TTN: variants seen among roughly 807,000 people sequenced by gnomAD.
TTN encodes connectin.
In TTN, 1,525 loss-of-function variants were observed where a neutral mutation model predicts 3,223.0. The observed-to-expected ratio is 0.47, with a 90% CI of 0.45 to 0.49. The LOEUF is 0.49. Ranked by LOEUF, TTN falls within the 20% of genes least tolerant of loss-of-function variation. The probability of loss-of-function intolerance (pLI) is 0.00; values close to 1 mark genes in which losing one functional copy is unlikely to be tolerated. For synonymous variants in TTN, 14,094 were observed against 15,161.0 expected (o/e 0.93, Z 5.17); for missense variants, 40,786 against 43,424.0 (o/e 0.94, Z 5.40).
chr2:178,709,924 GA>G lies in TTN; in HGVS notation c.28463-69del, dbSNP rs545172214. ...AGATTACTAATATGAAGCTTTTCAA[GA>G]AAAAAAACCCTCATATTTTTAGTTA... is the stretch of plus-strand genomic sequence containing the variant. On this transcript the variant is annotated intron_variant, in intron 98 of 362. Coordinates refer to ENST00000589042, the MANE Select transcript of TTN (RefSeq NM_001267550.2). 186 of 1,462,828 alleles carry G rather than the reference GA, an allele frequency of 1.3e-4. No individual in the cohort carries two copies. The South Asian group carries it at 2.0e-3, about 15-fold the overall frequency. The allele number at this position is 1,462,828 out of a possible 1,614,324, so 90.6% of individuals were successfully genotyped here.
At position 178,696,236 on chromosome 2, in the gene TTN, T is replaced by G; in HGVS notation, c.30836A>C (p.Glu10279Ala). The change falls in exon 114 of 363, where the codon GAA becomes GCA. Residue 10279 changes from glutamate to alanine, a missense_variant. Physicochemically the swap from Glu to Ala is moderately radical, Grantham distance 107. Transcript: ENST00000589042. Reference protein sequence around the residue: ...PEIIDVSSKAEEVKIMTITRK... With the variant: ...PEIIDVSSKAAEVKIMTITRK... ...GGTTATAGTCATTATTTTTACTTCTTCAGCTTTAGAGGATACATCAATGAT... is the reference window on the plus strand; with the variant it reads ...GGTTATAGTCATTATTTTTACTTCTGCAGCTTTAGAGGATACATCAATGAT... The G allele has an allele frequency of 1.3e-6, 2 of 1,561,516 alleles. No homozygotes were observed. The highest frequency in any genetic ancestry group is 1.2e-5 in the South Asian group (1 of 83,802).
chr2:178,653,010 T>G (rs1160042323), intron 199 of TTN, 31 bp downstream of exon 199: 3 of 1,610,248 alleles, frequency 1.9e-6, no homozygotes. Context: ...AAGAGTTCAG[T>G]CTTCTGAAGC....
rs754261585 is a variant in TTN at position 178,575,910 on chromosome 2, A to G, written c.70222T>C (p.Tyr23408His). ...TLLIIPECNRYDTGKFVMTIE... is the reference protein window; with the variant it reads ...TLLIIPECNRHDTGKFVMTIE... ...GTCATGACAAATTTACCGGTATCAT[A>G]TCTGTTACATTCTGGGATAATCAGA... The change falls in exon 326 of 363, where the codon TAT (tyrosine) becomes CAT (histidine). Residue 23408 changes from tyrosine (Y) to histidine (H), a missense_variant. Coordinates refer to ENST00000589042, the MANE Select transcript of TTN (RefSeq NM_001267550.2). The surrounding 1 kb of genome is among the most constrained non-coding windows in gnomAD (Gnocchi z 4.0). The G allele has an allele frequency of 1.9e-6, 3 of 1,613,578 alleles. No homozygotes were observed. Among genetic ancestry groups the G allele is most frequent in the Non-Finnish European group, 1.7e-6 (2 of 1,179,620 alleles).
Position 178,770,127 on chromosome 2 carries a change from G to A in TTN, c.8574C>T (p.Pro2858=), listed in dbSNP as rs1249785338. The A allele has an allele frequency of 1.2e-6, 2 of 1,614,132 alleles. No individual in the cohort carries two copies. Among genetic ancestry groups the A allele is most frequent in the African/African-American group, 1.3e-5 (1 of 75,044 alleles). ...VHKLMLQNIS[P]SDAGEYTAVV... ...CAGCTGTGTATTCCCCAGCATCTGA[G>A]GGGGAGATGTTCTGCAGCATCAGCT... Residue 2858 remains proline, a synonymous_variant, in exon 36 of 363, where the codon CCC becomes CCT. Coordinates refer to ENST00000589042, the MANE Select transcript of TTN (RefSeq NM_001267550.2).
rs2154152253 is a variant in TTN, at chr2:178,553,758, T to C, written c.89247A>G (p.Ser29749=). Residue 29749 remains serine, a synonymous_variant, in exon 334 of 363, where the codon TCA becomes TCG. Coordinates refer to ENST00000589042, the MANE Select transcript of TTN (RefSeq NM_001267550.2). ...AKIRIADSTK[S]SITLGWSKPV... is the part of the protein sequence containing the mutation. ...GCTTACTCCAGCCAAGGGTGATGGA[T>C]GACTTGGTTGAATCTGCGATTCTTA... 1 of 1,609,392 alleles carries C rather than the reference T, an allele frequency of 6.2e-7. No individual in the cohort carries two copies. Among genetic ancestry groups the C allele is most frequent in the Non-Finnish European group, 8.5e-7 (1 of 1,176,978 alleles).
In TTN at chr2:178,756,344, T is replaced by C; in HGVS notation, c.11132A>G (p.Asn3711Ser). Residue 3711 changes from asparagine (N) to serine (S), a missense_variant, in exon 46 of 363, where the codon AAT (asparagine) becomes AGT (serine). By Grantham distance (46) the Asn-to-Ser change is conservative. Coordinates refer to ENST00000589042, the MANE Select transcript of TTN (RefSeq NM_001267550.2). ...EESERLKQSQ[N>S]GNIQFLTICN... ...TATGGTAAGAAACTGAATATTTCCATTTTGTGATTGTTTCAGTCTCTCGGA... is the reference window on the plus strand; with the variant it reads ...TATGGTAAGAAACTGAATATTTCCACTTTGTGATTGTTTCAGTCTCTCGGA... 6.2e-7 allele frequency: 1 copy of C among 1,613,898 alleles called. No homozygotes were observed.
At chr2:178,714,895 T>C in intron 90 of TTN, 91 bp downstream of exon 90, 2 of 1,473,650 alleles carry the variant, frequency 1.4e-6, no homozygotes, top group Non-Finnish European at 1.8e-6. Flanking sequence ...AATAGGCTGC[T>C]AGTGATAAGA....
Position 178,592,195 on chromosome 2 carries a change from A to T in TTN, c.59709T>A (p.Asp19903Glu), listed in dbSNP as rs2154185463. 1 of 1,612,260 alleles carries T rather than the reference A, an allele frequency of 6.2e-7. No individual in the cohort carries two copies. Among genetic ancestry groups the T allele is most frequent in the Admixed American group, 1.7e-5 (1 of 59,876 alleles). Residue 19903 changes from aspartate to glutamate, a missense_variant, in exon 302 of 363, where the codon GAT becomes GAA. Transcript: ENST00000589042. ...SCYLTWKEPLDDGGSVITNYV... is the reference protein window; with the variant it reads ...SCYLTWKEPLEDGGSVITNYV... The stretch of plus-strand genomic sequence containing the variant: ...AATTGGTAATAACAGAACCACCATC[A>T]TCCAGTGGTTCTTTCCAAGTAAGGT...
At position 178,597,553 on chromosome 2, in the gene TTN, T is replaced by C. The variant is rs1338580543; in HGVS notation, c.57529A>G (p.Ile19177Val). The change falls in exon 294 of 363, where the codon ATT becomes GTT. Residue 19177 changes from isoleucine to valine, a missense_variant. By Grantham distance (29) the Ile-to-Val change is conservative (BLOSUM62 3). Transcript: ENST00000589042. ...AAGTATTTACCTAATACATCAACAA[T>C]AATTGTCTTCTTTCTTTCTCCGGCT... ...NEAGERKKTI[I>V]VDVLDVPGPV... The C allele has an allele frequency of 6.2e-7, 1 of 1,611,802 alleles. No homozygotes were observed. The highest frequency in any genetic ancestry group is 1.7e-5 in the Admixed American group (1 of 59,728).
chr2:178,549,326 A>G lies in TTN; in HGVS notation c.92300T>C (p.Val30767Ala), dbSNP rs1698403843. The G allele has an allele frequency of 1.9e-6, 3 of 1,613,664 alleles. No homozygotes were observed. Among genetic ancestry groups the G allele is most frequent in the Non-Finnish European group, 2.5e-6 (3 of 1,179,784 alleles). ...ERREKKSTRWVKVISKRPISE... is the reference protein window; with the variant it reads ...ERREKKSTRWAKVISKRPISE... ...GATTGGTCGTTTGCTGATCACTTTTACCCATCTTGTGCTTTTCTTTTCTCT... is the reference window on the plus strand; with the variant it reads ...GATTGGTCGTTTGCTGATCACTTTTGCCCATCTTGTGCTTTTCTTTTCTCT... Residue 30767 changes from valine to alanine, a missense_variant, in exon 339 of 363, where the codon GTA becomes GCA. Val to Ala is a moderately conservative substitution (Grantham distance 64). Transcript: ENST00000589042.
At position 178,593,767 on chromosome 2, in the gene TTN, T is replaced by C. The variant is rs563248253; in HGVS notation, c.58533A>G (p.Lys19511=). The change falls in exon 298 of 363, where the codon AAA becomes AAG. Residue 19511 remains lysine, a synonymous_variant. Transcript: ENST00000589042. ...TCTTCTCAATAATATAATTGGTGAT[T>C]TTACTGCCTCCATCATCTAAAGGAG... The part of the protein sequence containing the change: ...WKPPLDDGGS[K]ITNYIIEKKE... The C allele has an allele frequency of 1.9e-6, 3 of 1,613,242 alleles. No homozygotes were observed. In the East Asian group the frequency reaches 6.7e-5, roughly 36 times the overall value.
rs1165201342 is a variant in TTN, at chr2:178,735,543, C to T, written c.14903G>A (p.Ser4968Asn). The T allele has an allele frequency of 6.2e-7, 1 of 1,600,120 alleles. No individual in the cohort carries two copies. Among genetic ancestry groups the T allele is most frequent in the Non-Finnish European group, 8.5e-7 (1 of 1,174,506 alleles). ...AGTGACTGTGGCTGAGCAGGAGCTG[C>T]TTCCAGCCTCATTTGAAGCTGTACA... ...YVCTASNEAGSSSCSATVTVR... is the reference protein window; with the variant it reads ...YVCTASNEAGNSSCSATVTVR... The change falls in exon 50 of 363, where the codon AGC becomes AAC. Residue 4968 changes from serine to asparagine, a missense_variant. Physicochemically the swap from Ser to Asn is conservative, Grantham distance 46 (BLOSUM62 1). Transcript: ENST00000589042.
chr2:178,604,263 T>A lies in TTN; in HGVS notation c.54424A>T (p.Arg18142Trp). Reference sequence around the variant, plus strand: ...CTGATTCCATATTTATTCACTGCCCTGACTCGGAACTCATACTGACCATTG... The same window carrying A: ...CTGATTCCATATTTATTCACTGCCCAGACTCGGAACTCATACTGACCATTG... ...IPNGQYEFRV[R>W]AVNKYGISDE... The change falls in exon 282 of 363, where the codon AGG becomes TGG. Residue 18142 changes from arginine to tryptophan, a missense_variant. By Grantham distance (101) the Arg-to-Trp change is moderately radical (BLOSUM62 -3). Coordinates refer to ENST00000589042, the MANE Select transcript of TTN (RefSeq NM_001267550.2). The A allele has an allele frequency of 6.4e-7, 1 of 1,563,768 alleles. No individual in the cohort carries two copies.
At chr2:178,617,096 T>A in intron 255 of TTN, 24 bp downstream of exon 255, 2 of 1,610,524 alleles carry the variant, frequency 1.2e-6, no homozygotes, top group Non-Finnish European at 1.7e-6. Flanking sequence ...TATTCCCCGA[T>A]CTAAAAATAA....
At chr2:178,612,249 G>A (rs1418389691) in intron 266 of TTN, 28 bp downstream of exon 266, 2 of 1,607,486 alleles carry the variant, frequency 1.2e-6, no homozygotes, top group Admixed American at 3.4e-5. Flanking sequence ...AGCACTTATT[G>A]TCACAAAGAT....
rs751250111 is a variant in TTN at position 178,802,301 on chromosome 2, C to T, written c.132G>A (p.Gln44=). Residue 44 remains glutamine, a synonymous_variant, in exon 3 of 363, where the codon CAG becomes CAA. Coordinates refer to ENST00000589042, the MANE Select transcript of TTN (RefSeq NM_001267550.2). The stretch of plus-strand genomic sequence containing the variant: ...CGGGCAGAGTGGAAGTGGAAATCAC[C>T]TGGCCATCCCTAAACCAGCTCACCT... ...VPEVSWFRDG[Q]VISTSTLPGV... The T allele has an allele frequency of 1.2e-6, 2 of 1,614,138 alleles. No homozygotes were observed. The highest frequency in any genetic ancestry group is 4.5e-5 in the East Asian group (2 of 44,856).
rs374214280 is a variant in TTN, at chr2:178,739,579, C to A, written c.13654G>T (p.Val4552Phe). ...ACAGCTGAAGCAACCCCTTTAGTGA[C>A]AGGTGTGGCATCCAAATATTTAACC... The part of the protein sequence containing the change: ...SRVKYLDATP[V>F]TKGVASAVVS... Residue 4552 changes from valine (V) to phenylalanine (F), a missense_variant, in exon 48 of 363, where the codon GTC becomes TTC. Val to Phe is a conservative substitution (Grantham distance 50, BLOSUM62 -1). Coordinates refer to ENST00000589042, the MANE Select transcript of TTN (RefSeq NM_001267550.2). 1.2e-6 allele frequency: 2 copies of A among 1,613,690 alleles called. No homozygotes were observed. The highest frequency in any genetic ancestry group is 1.7e-6 in the Non-Finnish European group (2 of 1,179,838).
rs1225914438 is a variant in TTN at position 178,709,758 on chromosome 2, G to A, written c.28561C>T (p.Gln9521Ter). The change falls in exon 99 of 363, where the codon CAA becomes TAA. Residue 9521 changes from glutamine to a stop codon, truncating the protein, a stop_gained. Transcript: ENST00000589042. LOFTEE classifies it high-confidence loss of function. ...TTGTACCAGGCAACAGTTATAGGTT[G>A]GGAACCAGCCACACGTCCCTCAAGT... ...FKLEGRVAGS[Q>*]PITVAWYKNN... 1.2e-6 allele frequency: 2 copies of A among 1,613,756 alleles called. No individual in the cohort carries two copies. The highest frequency in any genetic ancestry group is 4.5e-5 in the East Asian group (2 of 44,878).
Position 178,588,819 on chromosome 2 carries a change from G to A in TTN, c.62906C>T (p.Pro20969Leu), listed in dbSNP as rs1479518856. 1 of 1,613,326 alleles carries A rather than the reference G, an allele frequency of 6.2e-7. No individual in the cohort carries two copies. ...TTTGCTTACTTTAGTGACTTCTGGG[G>A]GATCAGGGCGACCAGGTTTATCATA... ...TKYDKPGRPD[P>L]PEVTKVSKEE... The change falls in exon 304 of 363, where the codon CCC becomes CTC. Residue 20969 changes from proline (P) to leucine (L), a missense_variant. Transcript: ENST00000589042.
Sources: gnomAD v4.1 joint callset for allele counts on GRCh38, gnomAD v4.1.1 for gene constraint, Gnocchi (gnomAD v3.1) non-coding constraint, MANE v1.5 for transcripts, NCBI Gene and HGNC (gene_info 2026-07-23, HGNC 2026-07-21) for gene names.